The following MRTFB variants were observed in gnomAD, a reference collection of about 807,000 sequenced individuals.
MRTFB encodes the protein myocardin-related transcription factor B.
Under a neutral mutation model 104.2 loss-of-function variants are expected in MRTFB, and 29 were observed. The observed-to-expected ratio is 0.28, with a 90% confidence interval of 0.21 to 0.38. The LOEUF (loss-of-function observed/expected upper bound fraction) is 0.38, where lower values mean the gene tolerates loss of function less well. Among genes scored for constraint, MRTFB ranks in the 10% least tolerant of loss-of-function variants. The pLI, the probability that MRTFB is intolerant of heterozygous loss-of-function variation, is 1.00. For synonymous variants in MRTFB, 535 were observed against 519.5 expected, an observed-to-expected ratio of 1.03 and a Z score of -0.41; for missense variants, 1,270 against 1,341.6, an observed-to-expected ratio of 0.95 and a Z score of 0.83.
the MRTFB span, among the ~76,000 whole-genome samples, chr16:14,045,560 T>C: frequency 2.0e-5 from 3 of 152,188 alleles, no homozygotes; most frequent in African/African-American, 7.2e-5. Flanking sequence ...AATTCAAGAA[T>C]GTTTATATGT....
chr16:14,218,003 C>G (rs765625736), intron 7 of MRTFB, among the ~76,000 whole-genome samples: 1 of 152,104 alleles, frequency 6.6e-6, no homozygotes, highest in Non-Finnish European at 1.5e-5. Context: ...AAAGTGGGAG[C>G]GTATCAACAT....
intron 7 of MRTFB, among the ~76,000 whole-genome samples, chr16:14,217,951 G>GA (rs1462173873): frequency 2.0e-5 from 3 of 152,176 alleles, no homozygotes; most frequent in African/African-American, 7.2e-5. Context: ...CAGAAAAACA[G>GA]AAAAAATCAG....
rs573430499 is a variant in MRTFB at position 14,257,093 on chromosome 16, G to A, written c.2704-1008G>A. Among the ~76,000 whole-genome samples the A allele has an allele frequency of 2.6e-5, 4 of 152,324 alleles. No homozygotes were observed. In the South Asian group the frequency reaches 8.3e-4, roughly 32 times the overall value. On this transcript the variant is annotated intron_variant, in intron 15 of 16. Transcript: ENST00000571589. ...AAATTGAAAAGACTGACCCTACAAA[G>A]TATTGGTGAGAATGGAGAACAACTA...
the MRTFB span, among the ~76,000 whole-genome samples, chr16:14,036,149 ATATATATTATATAAAATATATAT>A: frequency 7.6e-5 from 3 of 39,676 alleles, no homozygotes; most frequent in Admixed American, 3.5e-4. Context: ...TATATATATA[ATATATATTATATAAAATATATAT>A]TATATATTAT....
the MRTFB span, among the ~76,000 whole-genome samples, chr16:14,018,603 G>C: frequency 1.3e-5 from 2 of 152,116 alleles, no homozygotes; most frequent in Admixed American, 1.3e-4. Context: ...TGGGACATCA[G>C]GTCTGATAAA....
At chr16:13,996,913 C>T in the MRTFB span, among the ~76,000 whole-genome samples, 1 of 152,214 alleles carries the variant, frequency 6.6e-6, no homozygotes. Context: ...AGGACTGTCA[C>T]AGGCTGATAG....
chr16:14,247,192 C>T lies in MRTFB; in HGVS notation c.1932C>T (p.Leu644=). Residue 644 remains leucine, a synonymous_variant, in exon 12 of 17, where the codon CTC becomes CTT. Coordinates refer to ENST00000571589, the MANE Select transcript of MRTFB (RefSeq NM_001308142.2). ...CCTCCATCAAAGATGAGGCCTCACT[C>T]CCTGACTGCTCCAGCTCCAGGCAGC... is the stretch of plus-strand genomic sequence containing the variant. The part of the protein sequence containing the change: ...LGSSIKDEAS[L]PDCSSSRQPI... 5.6e-6 allele frequency: 9 copies of T among 1,614,174 alleles called. No individual in the cohort carries two copies. Among genetic ancestry groups the T allele is most frequent in the Non-Finnish European group, 7.6e-6 (9 of 1,180,032 alleles).
chr16:14,225,656 G>GCATTCATTCATTCATTCATT (rs74275913), intron 8 of MRTFB, among the ~76,000 whole-genome samples: 2 of 151,170 alleles, frequency 1.3e-5, no homozygotes, highest in African/African-American at 4.9e-5. Context: ...CATCCAGAAA[G>GCATTCATTCATTCATTCATT]CATTCATTCA....
intron 3 of MRTFB, among the ~76,000 whole-genome samples, chr16:14,209,504 T>C (rs2041097280): frequency 2.6e-5 from 4 of 152,194 alleles, no homozygotes; most frequent in Admixed American, 2.6e-4. Flanking sequence ...TAAAAATATG[T>C]AGATGCTTAT....
chr16:14,056,564 G>A, the MRTFB span, among the ~76,000 whole-genome samples: 5 of 152,016 alleles, frequency 3.3e-5, no homozygotes, highest in South Asian at 2.1e-4. Flanking sequence ...TATTTTCTCC[G>A]CTCCAGTTCT....
chr16:14,213,659 CAAGAA>C, intron 6 of MRTFB, 39 bp downstream of exon 6: 1 of 1,393,786 alleles, frequency 7.2e-7, no homozygotes, highest in East Asian at 2.4e-5. Flanking sequence ...TGTATTTTTT[CAAGAA>C]AAGAAGTGAG....
chr16:14,078,746 TATC>T (rs1345170969), intron 1 of MRTFB, among the ~76,000 whole-genome samples: 2 of 152,048 alleles, frequency 1.3e-5, no homozygotes, highest in Non-Finnish European at 2.9e-5. Flanking sequence ...TAATAATTAT[TATC>T]ATCATAAATA....
chr16:14,187,293 TA>T (rs1413377591), intron 3 of MRTFB, among the ~76,000 whole-genome samples: 1 of 152,224 alleles, frequency 6.6e-6, no homozygotes, highest in African/African-American at 2.4e-5. Context: ...CTCATTTTGG[TA>T]AAATCTTCCC....
intron 12 of MRTFB, 50 bp downstream of exon 12, chr16:14,247,557 C>CA: frequency 2.7e-6 from 4 of 1,481,194 alleles, no homozygotes; most frequent in Non-Finnish European, 3.6e-6. Context: ...GCATGGAATG[C>CA]AAACCCTGCT....
chr16:14,020,935 C>T, the MRTFB span: 1 of 152,238 alleles, frequency 6.6e-6, no homozygotes, highest in Non-Finnish European at 1.5e-5. Context: ...TGCCTTACCT[C>T]ATCTCAGACA....
rs1476311197 is a variant in MRTFB at position 14,252,002 on chromosome 16, T to C, written c.2544T>C (p.Asn848=). 7 of 1,614,048 alleles carry C rather than the reference T, an allele frequency of 4.3e-6. No individual in the cohort carries two copies. The East Asian group carries it at 1.1e-4, about 26-fold the overall frequency. ...SRNAPLPSLQ[N]GPNTPNKPSS... Reference sequence around the variant, plus strand: ...ATGCTCCGCTTCCATCCCTGCAAAATGGACCTAACACACCCAACAAGGTAA... The same window carrying C: ...ATGCTCCGCTTCCATCCCTGCAAAACGGACCTAACACACCCAACAAGGTAA... The change falls in exon 14 of 17, where the codon AAT becomes AAC. Residue 848 remains asparagine, a synonymous_variant. Coordinates refer to ENST00000571589, the MANE Select transcript of MRTFB (RefSeq NM_001308142.2).
intron 13 of MRTFB, among the ~76,000 whole-genome samples, chr16:14,250,546 G>A (rs1038700299): frequency 6.6e-6 from 1 of 152,324 alleles, no homozygotes; most frequent in Non-Finnish European, 1.5e-5. Flanking sequence ...GCTTGTATTT[G>A]AAGACATTTT....
chr16:14,054,299 C>A, the MRTFB span, among the ~76,000 whole-genome samples: 3 of 152,252 alleles, frequency 2.0e-5, no homozygotes, highest in East Asian at 5.8e-4. Context: ...TCACTGCAAC[C>A]TCTGCCTCCT....
the MRTFB span, among the ~76,000 whole-genome samples, chr16:14,001,997 TAA>T: frequency 5.1e-4 from 77 of 152,112 alleles, no homozygotes; most frequent in Non-Finnish European, 1.0e-3. Context: ...CTGTAGAAAA[TAA>T]ATACAACCAA....
Sources: gnomAD v4.1 joint callset for allele counts (sites outside exome capture counted in the v4.1 genomes callset) on GRCh38, gnomAD v4.1.1 for gene constraint, MANE v1.5 for transcripts, NCBI Gene and HGNC (gene_info 2026-07-23, HGNC 2026-07-21) for gene names.